FAF1: variants seen among roughly 807,000 people sequenced by gnomAD.
FAF1 encodes FAS-associated factor 1.
Under a neutral mutation model 92.5 loss-of-function variants are expected in FAF1, and 25 were observed. That is an observed-to-expected ratio of 0.27 (90% CI 0.20 to 0.38). The LOEUF is 0.38. FAF1 is among the 10% of genes least tolerant of loss of function. FAF1 has a pLI of 1.00. For missense variants in FAF1, 636 were observed against 793.3 expected (o/e 0.80, Z 2.38); for synonymous variants, 234 against 273.2 (o/e 0.86, Z 1.42).
intron 9 of FAF1, among the ~76,000 whole-genome samples, chr1:50,587,725 A>G (rs188854668): frequency 6.6e-6 from 1 of 152,336 alleles, no homozygotes; most frequent in East Asian, 1.9e-4. Flanking sequence ...GTTTGGACCT[A>G]TGTGGAAGAT....
At chr1:50,792,997 TTTTC>T (rs1207027314) in intron 3 of FAF1, among the ~76,000 whole-genome samples, 2 of 152,174 alleles carry the variant, frequency 1.3e-5, no homozygotes, top group African/African-American at 2.4e-5. Flanking sequence ...TTTTTGTTTG[TTTTC>T]TTTTTTTTTA....
chr1:50,609,552 C>CT (rs1365320052), intron 8 of FAF1, among the ~76,000 whole-genome samples: 1 of 152,204 alleles, frequency 6.6e-6, no homozygotes, highest in African/African-American at 2.4e-5. Flanking sequence ...ATCTGGCCAA[C>CT]TTTTTTTAAA....
intron 8 of FAF1, among the ~76,000 whole-genome samples, chr1:50,649,791 A>G (rs1654771416): frequency 6.6e-6 from 1 of 151,130 alleles, no homozygotes; most frequent in African/African-American, 2.4e-5. Context: ...ACTACAAAAA[A>G]AAAAAAAAAA....
intron 1 of FAF1, among the ~76,000 whole-genome samples, chr1:50,950,527 G>A (rs1645206220): frequency 6.6e-6 from 1 of 152,222 alleles, no homozygotes; most frequent in Non-Finnish European, 1.5e-5. Context: ...GAACGGGTAT[G>A]GCTGTGTTGC....
At chr1:50,878,720 A>G (rs1260964978) in intron 1 of FAF1, among the ~76,000 whole-genome samples, 2 of 152,194 alleles carry the variant, frequency 1.3e-5, no homozygotes, top group African/African-American at 4.8e-5. Flanking sequence ...AAATCCTTAC[A>G]CATTAAAAAC....
At chr1:50,690,859 T>C (rs142261589) in intron 7 of FAF1, among the ~76,000 whole-genome samples, 1 of 152,292 alleles carries the variant, frequency 6.6e-6, no homozygotes, top group African/African-American at 2.4e-5. Flanking sequence ...GTTTAGTTTC[T>C]TTCATTTAGC....
chr1:50,536,892 A>T (rs1648511953), intron 14 of FAF1, among the ~76,000 whole-genome samples: 1 of 152,208 alleles, frequency 6.6e-6, no homozygotes, highest in Non-Finnish European at 1.5e-5. Context: ...AGGAGTGGAG[A>T]TAACGTAAAG....
intron 12 of FAF1, among the ~76,000 whole-genome samples, chr1:50,574,906 T>G (rs1441514292): frequency 7.8e-6 from 1 of 127,586 alleles, no homozygotes. Context: ...CTCTTTTTTT[T>G]TTTTTTTTTT....
chr1:50,466,304 CT>C (rs1199434280), intron 18 of FAF1, among the ~76,000 whole-genome samples: 2 of 152,118 alleles, frequency 1.3e-5, no homozygotes, highest in Non-Finnish European at 2.9e-5. Flanking sequence ...AAGAATGAAG[CT>C]GCCATTTAAT....
chr1:50,718,658 G>T (rs1658287893), intron 6 of FAF1, among the ~76,000 whole-genome samples: 1 of 152,046 alleles, frequency 6.6e-6, no homozygotes, highest in African/African-American at 2.4e-5. Flanking sequence ...CAAGAACAAA[G>T]ACTTTATTTG....
At chr1:50,492,630 C>A (rs980809933) in intron 15 of FAF1, among the ~76,000 whole-genome samples, 2 of 152,060 alleles carry the variant, frequency 1.3e-5, no homozygotes, top group Non-Finnish European at 2.9e-5. Flanking sequence ...AGTGTAGGTT[C>A]CCTTTTTGGT....
Position 50,538,492 on chromosome 1 carries a change from A to G in FAF1, c.1405+1100T>C, listed in dbSNP as rs1011243112. Among the ~76,000 whole-genome samples the G allele has an allele frequency of 6.6e-5, 10 of 151,894 alleles. No individual in the cohort carries two copies. In the East Asian group the frequency reaches 1.2e-3, roughly 18 times the overall value. ...GGCTTTGATTCGTGCTAAGGTGCCA[A>G]GAGTTTTTATAAACTATTCCTTTTG... On this transcript the variant is annotated intron_variant, in intron 14 of 18. Coordinates refer to ENST00000396153, the MANE Select transcript of FAF1 (RefSeq NM_007051.3).
chr1:50,595,029 T>C lies in FAF1; in HGVS notation c.840+1092A>G, dbSNP rs1478387435. On this transcript the variant is annotated intron_variant, in intron 9 of 18. Transcript: ENST00000396153. ...CACTATCACTGCATTTTTTATATTA[T>C]GCCATCACTATTATTATTATCTTTT... Among the ~76,000 whole-genome samples, 4 of 152,044 alleles carry C rather than the reference T, an allele frequency of 2.6e-5. No homozygotes were observed. In the East Asian group the frequency reaches 7.7e-4, roughly 29 times the overall value.
chr1:50,921,174 C>A (rs1222677060), intron 1 of FAF1, among the ~76,000 whole-genome samples: 1 of 152,230 alleles, frequency 6.6e-6, no homozygotes, highest in Non-Finnish European at 1.5e-5. Context: ...GGTTGGCCCA[C>A]CCTGCCCACA....
At chr1:50,589,918 C>T (rs938760691) in intron 9 of FAF1, among the ~76,000 whole-genome samples, 3 of 152,140 alleles carry the variant, frequency 2.0e-5, no homozygotes, top group South Asian at 2.1e-4. Context: ...TTCCCAGTAC[C>T]GTTTGTTGAA....
intron 6 of FAF1, among the ~76,000 whole-genome samples, chr1:50,721,416 T>C (rs1438664367): frequency 6.6e-6 from 1 of 151,932 alleles, no homozygotes; most frequent in African/African-American, 2.4e-5. Flanking sequence ...GGTTTCACCA[T>C]ATTGGCCAGG....
intron 1 of FAF1, among the ~76,000 whole-genome samples, chr1:50,924,105 T>C (rs953323381): frequency 2.0e-4 from 30 of 152,084 alleles, no homozygotes; most frequent in Non-Finnish European, 4.0e-4. Flanking sequence ...GGTATCCAAA[T>C]TGCAAAGGAA....
chr1:50,784,198 G>A (rs1661283715), intron 4 of FAF1, among the ~76,000 whole-genome samples: 1 of 150,550 alleles, frequency 6.6e-6, no homozygotes, highest in African/African-American at 2.4e-5. Context: ...AATTAAGCAA[G>A]AAAAACAAAA....
intron 2 of FAF1, among the ~76,000 whole-genome samples, chr1:50,836,958 T>A (rs1312259620): frequency 7.5e-6 from 1 of 132,972 alleles, no homozygotes; most frequent in Non-Finnish European, 1.6e-5. Flanking sequence ...TTTCTTTTTT[T>A]TTTTTTTTTT....
Sources: allele counts gnomAD v4.1 joint callset (sites outside exome capture counted in the v4.1 genomes callset), GRCh38; gene constraint gnomAD v4.1.1; transcripts MANE v1.5; gene names NCBI Gene and HGNC (gene_info 2026-07-23, HGNC 2026-07-21).